Variants in PPP3CC observed in about 807,000 individuals in gnomAD.
The protein encoded by PPP3CC is serine/threonine-protein phosphatase 2B catalytic subunit gamma isoform.
Under a neutral mutation model 60.3 loss-of-function variants are expected in PPP3CC, and 35 were observed. The observed-to-expected ratio is 0.58, with a 90% confidence interval of 0.44 to 0.77. The LOEUF (loss-of-function observed/expected upper bound fraction) is 0.77, where lower values mean the gene tolerates loss of function less well. PPP3CC is among the 30% of genes least tolerant of loss of function. PPP3CC has a pLI of 0.00. For missense variants in PPP3CC, 570 were observed against 628.9 expected, an observed-to-expected ratio of 0.91 and a Z score of 1.00; for synonymous variants, 206 against 224.3, an observed-to-expected ratio of 0.92 and a Z score of 0.73.
chr8:22,468,983 C>T (rs1837631175), intron 1 of PPP3CC, among the ~76,000 whole-genome samples: 1 of 152,160 alleles, frequency 6.6e-6, no homozygotes, highest in Non-Finnish European at 1.5e-5. Flanking sequence ...TAGGATACAA[C>T]TGATCCAGCA....
At chr8:22,533,951 C>A (rs1839785249) in intron 12 of PPP3CC, among the ~76,000 whole-genome samples, 2 of 152,152 alleles carry the variant, frequency 1.3e-5, no homozygotes, top group Non-Finnish European at 2.9e-5. Context: ...GTAATCCCAG[C>A]ACTTTGGGAG....
chr8:22,473,709 C>T (rs772095315), intron 1 of PPP3CC, among the ~76,000 whole-genome samples: 1 of 152,068 alleles, frequency 6.6e-6, no homozygotes, highest in Non-Finnish European at 1.5e-5. Flanking sequence ...GGTGATCCAC[C>T]TACCTTGGCC....
At chr8:22,504,308 T>A (rs1180795245) in intron 4 of PPP3CC, among the ~76,000 whole-genome samples, 1 of 152,150 alleles carries the variant, frequency 6.6e-6, no homozygotes, top group Non-Finnish European at 1.5e-5. Flanking sequence ...TAAACAAAAT[T>A]TATTTTTTTA....
chr8:22,532,943 A>G lies in PPP3CC; in HGVS notation c.1246A>G (p.Thr416Ala). The G allele has an allele frequency of 6.3e-7, 1 of 1,597,284 alleles. No homozygotes were observed. The highest frequency in any genetic ancestry group is 1.1e-5 in the South Asian group (1 of 89,266). The change falls in exon 12 of 14, where the codon ACT (threonine) becomes GCT (alanine). Residue 416 changes from threonine (T) to alanine (A), a missense_variant. Coordinates refer to ENST00000240139, the MANE Select transcript of PPP3CC (RefSeq NM_005605.5). ...CAGGCAAGAAAGTGAGAGTGTGCTG[A>G]CTCTCAAGGGCCTGACTCCCACAGG... is the stretch of plus-strand genomic sequence containing the variant. ...ILRQESESVL[T>A]LKGLTPTGTL... is the part of the protein sequence containing the mutation.
At chr8:22,480,027 G>C (rs1240284924) in intron 3 of PPP3CC, among the ~76,000 whole-genome samples, 8 of 151,942 alleles carry the variant, frequency 5.3e-5, no homozygotes, top group Non-Finnish European at 1.2e-4. Flanking sequence ...TTTTTATTTA[G>C]CCTATTGCAC....
chr8:22,487,147 C>G (rs572827055), intron 3 of PPP3CC, among the ~76,000 whole-genome samples: 13 of 152,158 alleles, frequency 8.5e-5, no homozygotes, highest in Non-Finnish European at 1.6e-4. Flanking sequence ...CTGCACATTG[C>G]TAAAGTTAAC....
chr8:22,496,185 C>A lies in PPP3CC; in HGVS notation c.373-1816C>A, dbSNP rs147774166. ...TTTGAGATGCCACCTTTATTATTTACCAAATTTTTGTAGGTACTTTTATAC... is the reference window on the plus strand; with the variant it reads ...TTTGAGATGCCACCTTTATTATTTAACAAATTTTTGTAGGTACTTTTATAC... On this transcript the variant is annotated intron_variant, in intron 3 of 13. Transcript: ENST00000240139. 8.3e-3 allele frequency among the ~76,000 whole-genome samples: 1,258 copies of A among 151,824 alleles called. 14 individuals carry two copies. Among genetic ancestry groups the A allele is most frequent in the African/African-American group, 0.026 (1,086 of 41,390 alleles).
At chr8:22,521,771 G>C (rs1359251694) in intron 6 of PPP3CC, among the ~76,000 whole-genome samples, 1 of 152,010 alleles carries the variant, frequency 6.6e-6, no homozygotes, top group Non-Finnish European at 1.5e-5. Context: ...CTTCCTATCA[G>C]GTATTTGTCA....
intron 1 of PPP3CC, among the ~76,000 whole-genome samples, chr8:22,458,167 C>G (rs1274475612): frequency 5.9e-5 from 9 of 152,168 alleles, no homozygotes; most frequent in Admixed American, 3.9e-4. Context: ...ACAATGTGAG[C>G]ATGTAGTAGG....
At chr8:22,456,927 C>T (rs1026404035) in intron 1 of PPP3CC, among the ~76,000 whole-genome samples, 6 of 151,906 alleles carry the variant, frequency 3.9e-5, no homozygotes, top group Admixed American at 3.9e-4. Context: ...GATTTGGGAA[C>T]ACTGAAAGAC....
intron 11 of PPP3CC, 75 bp from the exon 12 acceptor site, chr8:22,532,846 A>C: frequency 9.7e-7 from 1 of 1,026,400 alleles, no homozygotes; most frequent in Non-Finnish European, 1.4e-6. Context: ...GTCTTTCTTC[A>C]CTTCCTTCAA....
intron 3 of PPP3CC, among the ~76,000 whole-genome samples, chr8:22,492,229 G>GA (rs1200286145): frequency 6.7e-6 from 1 of 150,354 alleles, no homozygotes; most frequent in Non-Finnish European, 1.5e-5. Flanking sequence ...TCTAGATGTA[G>GA]AAAAGATACA....
chr8:22,466,892 C>A (rs1445534640), intron 1 of PPP3CC, among the ~76,000 whole-genome samples: 1 of 151,728 alleles, frequency 6.6e-6, no homozygotes, highest in East Asian at 1.9e-4. Context: ...CAGGCAGATG[C>A]CACCACACCT....
intron 1 of PPP3CC, among the ~76,000 whole-genome samples, chr8:22,447,815 T>C (rs1336606535): frequency 6.6e-6 from 1 of 152,234 alleles, no homozygotes; most frequent in Non-Finnish European, 1.5e-5. Flanking sequence ...TGAAGTCTTT[T>C]AGTTTCTTGA....
At chr8:22,473,335 G>A (rs1837787512) in intron 1 of PPP3CC, among the ~76,000 whole-genome samples, 1 of 151,972 alleles carries the variant, frequency 6.6e-6, no homozygotes, top group Non-Finnish European at 1.5e-5. Flanking sequence ...CAAGACAACA[G>A]CCAATTTAAA....
At position 22,489,609 on chromosome 8, in the gene PPP3CC, AAT is replaced by A. The variant is rs971319900; in HGVS notation, c.373-8386_373-8385del. On this transcript the variant is annotated intron_variant, in intron 3 of 13. Coordinates refer to ENST00000240139, the MANE Select transcript of PPP3CC (RefSeq NM_005605.5). Reference sequence around the variant, plus strand: ...ATATATTATATATAATAGTGTATATAATATATAATATATAATAAGTATATATT... The same window carrying A: ...ATATATTATATATAATAGTGTATATAATATAATATATAATAAGTATATATT... Among the ~76,000 whole-genome samples the A allele has an allele frequency of 1.2e-4, 16 of 136,148 alleles. No individual in the cohort carries two copies. In the South Asian group the frequency reaches 3.1e-3, roughly 27 times the overall value. 89.3% of individuals were successfully genotyped at this position (136,148 alleles called of 152,430 possible).
chr8:22,511,079 T>C lies in PPP3CC; in HGVS notation c.485-7T>C. 6.2e-7 allele frequency: 1 copy of C among 1,612,874 alleles called. No individual in the cohort carries two copies. The highest frequency in any genetic ancestry group is 1.1e-5 in the South Asian group (1 of 90,724). On this transcript the variant is annotated splice_region_variant and splice_polypyrimidine_tract_variant and intron_variant, in intron 4 of 13. Coordinates refer to ENST00000240139, the MANE Select transcript of PPP3CC (RefSeq NM_005605.5). ...TCTTCCATTGACTGGTTTTCCTTTT[T>C]TGTTAGGTCGAATCAAATATTCGGA...
At chr8:22,491,030 C>T (rs1033757661) in intron 3 of PPP3CC, among the ~76,000 whole-genome samples, 27 of 152,122 alleles carry the variant, frequency 1.8e-4, no homozygotes, top group Admixed American at 1.6e-3. Flanking sequence ...TTGCTTTCTG[C>T]CTGCTGTATA....
intron 8 of PPP3CC, among the ~76,000 whole-genome samples, chr8:22,526,524 C>T (rs1306053055): frequency 1.3e-5 from 2 of 152,008 alleles, no homozygotes; most frequent in Non-Finnish European, 2.9e-5. Context: ...TTTAGACATT[C>T]AATAACTTAA....
Sources: gnomAD v4.1 joint callset for allele counts (sites outside exome capture counted in the v4.1 genomes callset) on GRCh38, gnomAD v4.1.1 for gene constraint, MANE v1.5 for transcripts, NCBI Gene and HGNC (gene_info 2026-07-23, HGNC 2026-07-21) for gene names.